Variants in FBP2 observed in about 807,000 individuals in gnomAD.
FBP2 encodes the protein fructose-bisphosphatase 2, also known as fructose-1,6-bisphosphatase isozyme 2.
A neutral mutation model predicts 31.6 loss-of-function variants in FBP2; 27 were observed. That is an observed-to-expected ratio of 0.85 (90% CI 0.63 to 1.18). The LOEUF is 1.18. Among genes scored for constraint, FBP2 ranks in the 50% most tolerant of loss-of-function variants. The pLI, the probability that FBP2 is intolerant of heterozygous loss-of-function variation, is 0.00. For missense variants in FBP2, 421 were observed against 436.1 expected (o/e 0.97, Z 0.31); for synonymous variants, 168 against 179.8 (o/e 0.93, Z 0.53).
intron 5 of FBP2, 69 bp downstream of exon 5, chr9:94,567,201 G>T: frequency 6.4e-7 from 1 of 1,556,566 alleles, no homozygotes; most frequent in Non-Finnish European, 8.8e-7. Context: ...AGCCCCTGAA[G>T]CCACCACCCA....
chr9:94,593,793 C>T lies in FBP2; in HGVS notation c.-67G>A. On this transcript the variant is annotated 5_prime_UTR_variant, in exon 1 of 7. Transcript: ENST00000375337. Reference sequence around the variant, plus strand: ...CCTTGCTTACTTCTGAGGGCTGCAGCTCCGCAGTGTGGAAGCCGATAAGAA... The same window carrying T: ...CCTTGCTTACTTCTGAGGGCTGCAGTTCCGCAGTGTGGAAGCCGATAAGAA... 1 of 1,556,422 alleles carries T rather than the reference C, an allele frequency of 6.4e-7. No individual in the cohort carries two copies. Among genetic ancestry groups the T allele is most frequent in the African/African-American group, 1.4e-5 (1 of 73,768 alleles).
At chr9:94,564,109 G>C (rs1269375711) in intron 5 of FBP2, among the ~76,000 whole-genome samples, 1 of 152,042 alleles carries the variant, frequency 6.6e-6, no homozygotes, top group African/African-American at 2.4e-5. Flanking sequence ...TCAAGACCTC[G>C]AATCAACACT....
At chr9:94,562,896 A>G (rs1827130048) in intron 6 of FBP2, among the ~76,000 whole-genome samples, 1 of 152,220 alleles carries the variant, frequency 6.6e-6, no homozygotes, top group South Asian at 2.1e-4. Flanking sequence ...GGCGGACTTC[A>G]GGGCATCAGT....
chr9:94,573,001 G>A (rs1395885407), intron 3 of FBP2: 2 of 152,082 alleles, frequency 1.3e-5, no homozygotes, highest in African/African-American at 4.8e-5. Context: ...TTTCTACATA[G>A]ACCATCATGT....
Position 94,561,767 on chromosome 9 carries a change from G to C in FBP2, c.825+1575C>G, listed in dbSNP as rs79274148. ...GCACACACAGACACACACACACAGAGAGACGTCGGCACAGGGACCATGACA... is the reference window on the plus strand; with the variant it reads ...GCACACACAGACACACACACACAGACAGACGTCGGCACAGGGACCATGACA... On this transcript the variant is annotated intron_variant, in intron 6 of 6. Coordinates refer to ENST00000375337, the MANE Select transcript of FBP2 (RefSeq NM_003837.4). Among the ~76,000 whole-genome samples, 868 of 152,192 alleles carry C rather than the reference G, an allele frequency of 5.7e-3. 30 individuals are homozygous for C. In the East Asian group the frequency reaches 0.11, roughly 18 times the overall value.
intron 6 of FBP2, among the ~76,000 whole-genome samples, chr9:94,560,456 C>T (rs1345852458): frequency 6.6e-6 from 1 of 152,088 alleles, no homozygotes; most frequent in African/African-American, 2.4e-5. Context: ...TTCAGGGTGT[C>T]GTTCTGGCCG....
chr9:94,566,628 G>A (rs1022940836), intron 5 of FBP2, among the ~76,000 whole-genome samples: 5 of 152,248 alleles, frequency 3.3e-5, no homozygotes, highest in African/African-American at 1.2e-4. Flanking sequence ...TTCTGTGTGT[G>A]TGTCTTTAAT....
rs575199533 is a variant in FBP2, at chr9:94,578,780, G to A, written c.426+5797C>T. 3.3e-5 allele frequency among the ~76,000 whole-genome samples: 5 copies of A among 152,038 alleles called. No individual in the cohort carries two copies. In the South Asian group the frequency reaches 1.0e-3, roughly 32 times the overall value. The stretch of plus-strand genomic sequence containing the variant: ...GTAAAAATAATTTTATAGGCTGGAC[G>A]TGGTGGCTCAGGCCTGTAATCCCAG... On this transcript the variant is annotated intron_variant, in intron 3 of 6. Coordinates refer to ENST00000375337, the MANE Select transcript of FBP2 (RefSeq NM_003837.4).
chr9:94,559,001 C>T lies in FBP2; in HGVS notation c.957G>A (p.Leu319=). The part of the protein sequence containing the change: ...EAIHQRVPLI[L]GSPEDVQEYL... ...ATTCCTGCACATCCTCTGGTGACCCCAGAATGAGGGGGACTCGCTGGTGAA... is the reference window on the plus strand; with the variant it reads ...ATTCCTGCACATCCTCTGGTGACCCTAGAATGAGGGGGACTCGCTGGTGAA... The change falls in exon 7 of 7, where the codon CTG becomes CTA. Residue 319 remains leucine (L), a synonymous_variant. Transcript: ENST00000375337. The T allele has an allele frequency of 6.2e-7, 1 of 1,614,102 alleles. No individual in the cohort carries two copies. The highest frequency in any genetic ancestry group is 1.3e-5 in the African/African-American group (1 of 75,026).
intron 6 of FBP2, among the ~76,000 whole-genome samples, chr9:94,559,812 C>T (rs1827067336): frequency 6.6e-6 from 1 of 152,096 alleles, no homozygotes; most frequent in Non-Finnish European, 1.5e-5. Flanking sequence ...CCTAGCTGGT[C>T]ACTGTACTAT....
intron 6 of FBP2, 53 bp from the exon 7 acceptor site, chr9:94,559,185 G>A (rs994627516): frequency 2.7e-5 from 41 of 1,517,250 alleles, no homozygotes; most frequent in African/African-American, 1.8e-4. Context: ...CAAATGTCCC[G>A]AGCCATGCCC....
chr9:94,587,433 A>G lies in FBP2; in HGVS notation c.207T>C (p.Asp69=), dbSNP rs746730243. ...ATAGCACATCCAGTTTCTTCACCTC[A>G]TCTCCCGTCACGTTAACGCTTCCTG... ...GIAGSVNVTG[D]EVKKLDVLSN... is the part of the protein sequence containing the mutation. The change falls in exon 2 of 7, where the codon GAT becomes GAC. Residue 69 remains aspartate, a synonymous_variant. Transcript: ENST00000375337. 16 of 1,613,920 alleles carry G rather than the reference A, an allele frequency of 9.9e-6. No homozygotes were observed. The highest frequency in any genetic ancestry group is 1.3e-5 in the African/African-American group (1 of 74,888).
At chr9:94,566,926 C>G (rs959669417) in intron 5 of FBP2, among the ~76,000 whole-genome samples, 1 of 150,848 alleles carries the variant, frequency 6.6e-6, no homozygotes, top group African/African-American at 2.5e-5. Flanking sequence ...ATTCTAAAAG[C>G]AAATGCAACT....
chr9:94,581,816 T>A (rs988296034), intron 3 of FBP2, among the ~76,000 whole-genome samples: 3 of 152,212 alleles, frequency 2.0e-5, no homozygotes, highest in African/African-American at 7.2e-5. Flanking sequence ...GGCCTCCCTA[T>A]ACCTTCCCCC....
rs1827268920 is a variant in FBP2, at chr9:94,571,523, C to T, written c.506G>A (p.Gly169Asp). 6.2e-7 allele frequency: 1 copy of T among 1,614,042 alleles called. No homozygotes were observed. The highest frequency in any genetic ancestry group is 8.5e-7 in the Non-Finnish European group (1 of 1,179,938). ...GGAGAGAGCCACCAGGGTTGCACTA[C>T]CGTACAGCGCATAACCTGCGGCCAC... ...NIVAAGYALYGSATLVALSTG... is the reference protein window; with the variant it reads ...NIVAAGYALYDSATLVALSTG... Residue 169 changes from glycine (G) to aspartate (D), a missense_variant, in exon 4 of 7, where the codon GGT becomes GAT. Gly to Asp is a moderately conservative substitution (Grantham distance 94). Transcript: ENST00000375337.
chr9:94,590,813 C>T (rs1344823156), intron 1 of FBP2, among the ~76,000 whole-genome samples: 1 of 152,178 alleles, frequency 6.6e-6, no homozygotes, highest in Admixed American at 6.5e-5. Flanking sequence ...AGCCGAGTGG[C>T]CTGTTTTGTC....
intron 3 of FBP2, 122 bp downstream of exon 3, chr9:94,584,455 C>T: frequency 1.5e-6 from 1 of 668,018 alleles, no homozygotes; most frequent in Non-Finnish European, 2.7e-6. Context: ...GGTTTGCCTA[C>T]AGTGGCTTTT....
Position 94,574,757 on chromosome 9 carries a change from C to T in FBP2, c.427-3155G>A, listed in dbSNP as rs377116565. Among the ~76,000 whole-genome samples the T allele has an allele frequency of 3.9e-5, 6 of 152,094 alleles. No individual in the cohort carries two copies. In the East Asian group the frequency reaches 9.6e-4, roughly 24 times the overall value. On this transcript the variant is annotated intron_variant, in intron 3 of 6. Coordinates refer to ENST00000375337, the MANE Select transcript of FBP2 (RefSeq NM_003837.4). The stretch of plus-strand genomic sequence containing the variant: ...TTTTCTTTCTGGTTTTATTCCCCAC[C>T]TCTCTACCAAACTCATCAACTCATC...
intron 1 of FBP2, among the ~76,000 whole-genome samples, chr9:94,587,816 C>T (rs1827445298): frequency 6.6e-6 from 1 of 152,096 alleles, no homozygotes; most frequent in South Asian, 2.1e-4. Context: ...AAGTAAAGGA[C>T]TGTGGCCTCC....
Sources: gnomAD v4.1 joint callset for allele counts (sites outside exome capture counted in the v4.1 genomes callset) on GRCh38, gnomAD v4.1.1 for gene constraint, MANE v1.5 for transcripts, NCBI Gene and HGNC (gene_info 2026-07-23, HGNC 2026-07-21) for gene names.